Variants in PLXDC2 observed in about 807,000 individuals in gnomAD.
The protein encoded by PLXDC2 is plexin domain-containing protein 2.
Under a neutral mutation model 68.9 loss-of-function variants are expected in PLXDC2, and 40 were observed. The observed-to-expected ratio is 0.58, with a 90% CI of 0.45 to 0.76. The LOEUF (loss-of-function observed/expected upper bound fraction) is 0.76. Among genes scored for constraint, PLXDC2 ranks in the 30% least tolerant of loss-of-function variants. PLXDC2 has a pLI of 0.00. For synonymous variants in PLXDC2, 243 were observed against 234.2 expected (o/e 1.04, Z -0.34); for missense variants, 644 against 661.9 (o/e 0.97, Z 0.30).
rs1191613913 is a variant in PLXDC2 at position 20,230,693 on chromosome 10, C to CA, written c.1312+11612dup. Among the ~76,000 whole-genome samples the CA allele has an allele frequency of 4.6e-3, 175 of 37,786 alleles. 12 individuals carry two copies. Among genetic ancestry groups the CA allele is most frequent in the South Asian group, 0.03 (17 of 572 alleles). 24.8% of individuals were successfully genotyped at this position (37,786 alleles called of 152,430 possible). ...TGGGCTACAGAGTGAGACCTTGTCT[C>CA]AAAAAAAAAAAAAAAAAAAAACAGG... On this transcript the variant is annotated intron_variant, in intron 12 of 13. Coordinates refer to ENST00000377252, the MANE Select transcript of PLXDC2 (RefSeq NM_032812.9).
chr10:20,156,727 G>T (rs958460815), intron 6 of PLXDC2, among the ~76,000 whole-genome samples: 1 of 152,136 alleles, frequency 6.6e-6, no homozygotes, highest in African/African-American at 2.4e-5. Context: ...CTGTCACGCT[G>T]TTAGATGCAT....
At chr10:19,869,249 C>T (rs1261840843) in intron 1 of PLXDC2, among the ~76,000 whole-genome samples, 3 of 151,790 alleles carry the variant, frequency 2.0e-5, no homozygotes, top group Admixed American at 6.6e-5. Flanking sequence ...TATGAAAATA[C>T]GCCATCTCAA....
chr10:19,851,720 GT>G (rs1837121276), intron 1 of PLXDC2, among the ~76,000 whole-genome samples: 1 of 151,864 alleles, frequency 6.6e-6, no homozygotes. Flanking sequence ...TAATTTTTTT[GT>G]ATTTTTGGTA....
chr10:19,937,647 C>G (rs1030513864), intron 1 of PLXDC2, among the ~76,000 whole-genome samples: 2 of 147,856 alleles, frequency 1.4e-5, no homozygotes, highest in African/African-American at 5.0e-5. Context: ...CATAACTTTT[C>G]TGGCGTGCCA....
chr10:19,965,508 A>G (rs1462231966), intron 1 of PLXDC2, among the ~76,000 whole-genome samples: 3 of 152,144 alleles, frequency 2.0e-5, no homozygotes, highest in Non-Finnish European at 4.4e-5. Flanking sequence ...TTAGTATGTC[A>G]TCTGGGATTC....
At chr10:19,899,211 T>C (rs553956228) in intron 1 of PLXDC2, among the ~76,000 whole-genome samples, 1 of 152,302 alleles carries the variant, frequency 6.6e-6, no homozygotes, top group Non-Finnish European at 1.5e-5. Flanking sequence ...GACCAGTTGT[T>C]TATCTGACTT....
At chr10:20,141,094 A>G (rs921056043) in intron 4 of PLXDC2, among the ~76,000 whole-genome samples, 6 of 152,124 alleles carry the variant, frequency 3.9e-5, no homozygotes, top group Admixed American at 1.3e-4. Flanking sequence ...CTGTATTTCT[A>G]CTTACTTCTT....
At chr10:20,105,887 T>C (rs1010722891) in intron 4 of PLXDC2, among the ~76,000 whole-genome samples, 5 of 152,224 alleles carry the variant, frequency 3.3e-5, no homozygotes, top group Non-Finnish European at 5.9e-5. Context: ...AATTTGCTCA[T>C]TTCAAAATTG....
intron 7 of PLXDC2, among the ~76,000 whole-genome samples, chr10:20,165,342 A>G (rs931861995): frequency 1.3e-5 from 2 of 151,954 alleles, no homozygotes; most frequent in Middle Eastern, 3.2e-3. Flanking sequence ...TTATTTACAT[A>G]TGTATACATG....
chr10:20,244,212 A>G (rs1232712885), intron 12 of PLXDC2, among the ~76,000 whole-genome samples: 1 of 152,234 alleles, frequency 6.6e-6, no homozygotes, highest in Non-Finnish European at 1.5e-5. Context: ...GTATCTTACA[A>G]TTATACTGCA....
chr10:20,101,857 G>A (rs1161605762), intron 4 of PLXDC2, among the ~76,000 whole-genome samples: 1 of 151,738 alleles, frequency 6.6e-6, no homozygotes, highest in Non-Finnish European at 1.5e-5. Flanking sequence ...GAGTGCAGTG[G>A]CATAATCTCG....
chr10:19,898,344 G>A (rs961044658), intron 1 of PLXDC2, among the ~76,000 whole-genome samples: 1 of 152,072 alleles, frequency 6.6e-6, no homozygotes, highest in African/African-American at 2.4e-5. Context: ...ATAATCATCA[G>A]GTTTGTTTTG....
intron 10 of PLXDC2, 51 bp downstream of exon 10, chr10:20,211,780 T>C (rs1564355077): frequency 1.3e-6 from 2 of 1,554,248 alleles, no homozygotes; most frequent in African/African-American, 2.7e-5. Context: ...GTCATATACA[T>C]GTGTTTTAAC....
chr10:20,080,833 GAC>G (rs1836542602), intron 4 of PLXDC2, among the ~76,000 whole-genome samples: 1 of 152,172 alleles, frequency 6.6e-6, no homozygotes, highest in Non-Finnish European at 1.5e-5. Flanking sequence ...CACATCCAAA[GAC>G]ACACAGAGGA....
rs1289363286 is a variant in PLXDC2, at chr10:19,831,931, C to T, written c.112+14740C>T. Reference sequence around the variant, plus strand: ...ATGGTAGAATGATTTATGTTTTTGACCCAGCAATCCCTTTACTGCATATAC... The same window carrying T: ...ATGGTAGAATGATTTATGTTTTTGATCCAGCAATCCCTTTACTGCATATAC... On this transcript the variant is annotated intron_variant, in intron 1 of 13. Coordinates refer to ENST00000377252, the MANE Select transcript of PLXDC2 (RefSeq NM_032812.9). 5.9e-5 allele frequency among the ~76,000 whole-genome samples: 9 copies of T among 152,086 alleles called. No homozygotes were observed. In the East Asian group the frequency reaches 1.7e-3, roughly 29 times the overall value.
Position 20,084,707 on chromosome 10 carries a change from G to A in PLXDC2, c.541+16468G>A, listed in dbSNP as rs373899450. 4.6e-5 allele frequency among the ~76,000 whole-genome samples: 7 copies of A among 152,084 alleles called. No individual in the cohort carries two copies. The East Asian group carries it at 7.9e-4, about 17-fold the overall frequency. On this transcript the variant is annotated intron_variant, in intron 4 of 13. Coordinates refer to ENST00000377252, the MANE Select transcript of PLXDC2 (RefSeq NM_032812.9). Reference sequence around the variant, plus strand: ...GAGATTCCTCTAAAAAGACAGTTGTGTTTAACGACACAGAGCTGCTGGCTG... The same window carrying A: ...GAGATTCCTCTAAAAAGACAGTTGTATTTAACGACACAGAGCTGCTGGCTG...
intron 9 of PLXDC2, among the ~76,000 whole-genome samples, chr10:20,208,890 C>T (rs1589681757): frequency 1.3e-5 from 2 of 151,924 alleles, no homozygotes; most frequent in Admixed American, 1.3e-4. Flanking sequence ...TTGCGTGATG[C>T]TCCCCAAGCC....
At chr10:20,001,661 G>T (rs1834940401) in intron 1 of PLXDC2, 114 bp from the exon 2 acceptor site, 1 of 862,448 alleles carries the variant, frequency 1.2e-6, no homozygotes, top group Non-Finnish European at 1.8e-6. Context: ...ACTGTTACAA[G>T]TTAGTTTCCT....
Position 19,882,269 on chromosome 10 carries a change from A to G in PLXDC2, c.112+65078A>G, listed in dbSNP as rs549540641. 1.5e-4 allele frequency among the ~76,000 whole-genome samples: 23 copies of G among 152,308 alleles called. No homozygotes were observed. The East Asian group carries it at 2.7e-3, about 18-fold the overall frequency. ...TTTATTTCTGCCACTACTCCACACA[A>G]TAAACATCAATGCATTATTATCCAT... On this transcript the variant is annotated intron_variant, in intron 1 of 13. Transcript: ENST00000377252.
Sources: gnomAD v4.1 joint callset for allele counts (sites outside exome capture counted in the v4.1 genomes callset) on GRCh38, gnomAD v4.1.1 for gene constraint, MANE v1.5 for transcripts, NCBI Gene and HGNC (gene_info 2026-07-23, HGNC 2026-07-21) for gene names.